The following BHMT variants were observed in gnomAD, a reference collection of about 807,000 sequenced individuals.
BHMT encodes the protein betaine--homocysteine S-methyltransferase.
BHMT carries 38 observed loss-of-function variants against 49.5 expected under a neutral mutation model. The observed-to-expected ratio is 0.77, with a 90% CI of 0.59 to 1.01. The LOEUF (loss-of-function observed/expected upper bound fraction) is 1.01, where lower values mean the gene tolerates loss of function less well. BHMT is among the 50% of genes least tolerant of loss of function. The probability of loss-of-function intolerance (pLI) is 0.00; values close to 1 mark genes in which losing one functional copy is unlikely to be tolerated. For missense variants in BHMT, 426 were observed against 495.7 expected, an observed-to-expected ratio of 0.86 and a Z score of 1.34; for synonymous variants, 166 against 176.3, an observed-to-expected ratio of 0.94 and a Z score of 0.46.
At chr5:79,121,687 C>T (rs1240156048) in intron 5 of BHMT, among the ~76,000 whole-genome samples, 1 of 151,146 alleles carries the variant, frequency 6.6e-6, no homozygotes, top group Non-Finnish European at 1.5e-5. Context: ...TGGTGGCGGG[C>T]GCCTGTAGTC....
At chr5:79,127,563 C>A (rs1214520312) in intron 6 of BHMT, among the ~76,000 whole-genome samples, 192 bp from the exon 7 acceptor site, 1 of 152,164 alleles carries the variant, frequency 6.6e-6, no homozygotes, top group Non-Finnish European at 1.5e-5. Flanking sequence ...TCATTTGGAA[C>A]CTCCTGAAGG....
chr5:79,118,882 A>G (rs1479976826), intron 2 of BHMT, among the ~76,000 whole-genome samples: 1 of 152,214 alleles, frequency 6.6e-6, no homozygotes, highest in African/African-American at 2.4e-5. Flanking sequence ...GCATAGCCCA[A>G]CCATGCAGTG....
At position 79,124,673 on chromosome 5, in the gene BHMT, G is replaced by A. The variant is rs543913993; in HGVS notation, c.626-1373G>A. On this transcript the variant is annotated intron_variant, in intron 5 of 7. Transcript: ENST00000274353. ...TATAAAGAAAGTTTTTGAAGAAAAT[G>A]AAATATCTAAAACATAGTTTGTTCT... Among the ~76,000 whole-genome samples the A allele has an allele frequency of 1.0e-3, 152 of 152,258 alleles. 1 individual carries two copies. The highest frequency in any genetic ancestry group is 3.3e-3 in the African/African-American group (139 of 41,544).
At position 79,120,386 on chromosome 5, in the gene BHMT, C is replaced by T. The variant is rs1488292716; in HGVS notation, c.322C>T (p.Arg108Ter). The T allele has an allele frequency of 5.6e-6, 9 of 1,613,440 alleles. No individual in the cohort carries two copies. The African/African-American group carries it at 6.7e-5, about 12-fold the overall frequency. Residue 108 changes from arginine (R) to a stop codon, truncating the protein, a stop_gained, in exon 4 of 8, where the codon CGA (arginine) becomes TGA (stop). Transcript: ENST00000274353. LOFTEE classifies it high-confidence loss of function. ...EVNEAACDIA[R>*]QVADEGDALV... ...CAATGAAGCTGCTTGCGACATCGCCCGACAAGTGGCTGATGAAGGAGATGC... is the reference window on the plus strand; with the variant it reads ...CAATGAAGCTGCTTGCGACATCGCCTGACAAGTGGCTGATGAAGGAGATGC...
Position 79,131,035 on chromosome 5 carries a change from C to A in BHMT, c.1140C>A (p.Ala380=), listed in dbSNP as rs201314996. Residue 380 remains alanine, a synonymous_variant, in exon 8 of 8, where the codon GCC becomes GCA. Coordinates refer to ENST00000274353, the MANE Select transcript of BHMT (RefSeq NM_001713.3). ...GCTGGGGAGTGACCAAAGGAACAGCCGAGCTGATGCAGCAGAAAGAAGCCA... is the reference window on the plus strand; with the variant it reads ...GCTGGGGAGTGACCAAAGGAACAGCAGAGCTGATGCAGCAGAAAGAAGCCA... ...PDGWGVTKGT[A]ELMQQKEATT... 5 of 1,613,792 alleles carry A rather than the reference C, an allele frequency of 3.1e-6. No individual in the cohort carries two copies. The South Asian group carries it at 4.4e-5, about 14-fold the overall frequency.
chr5:79,120,811 GA>G (rs1363681564), intron 4 of BHMT, among the ~76,000 whole-genome samples: 1 of 152,156 alleles, frequency 6.6e-6, no homozygotes, highest in Non-Finnish European at 1.5e-5. Flanking sequence ...TTCAAAGTTT[GA>G]AAACAGTAAT....
At position 79,111,938 on chromosome 5, in the gene BHMT, G is replaced by A. The variant is rs980360444; in HGVS notation, c.33+20G>A. 7.0e-6 allele frequency: 11 copies of A among 1,581,810 alleles called. No individual in the cohort carries two copies. The highest frequency in any genetic ancestry group is 9.4e-6 in the Non-Finnish European group (11 of 1,164,500). On this transcript the variant is annotated intron_variant, in intron 1 of 7. Transcript: ENST00000274353. Reference sequence around the variant, plus strand: ...AAGAAGGTGAGTCTCCAGGGGACCCGAGGGCGCTCTCCTTCCCCTCCCACC... The same window carrying A: ...AAGAAGGTGAGTCTCCAGGGGACCCAAGGGCGCTCTCCTTCCCCTCCCACC...
chr5:79,130,519 A>G (rs1335400611), intron 7 of BHMT, among the ~76,000 whole-genome samples: 2 of 151,846 alleles, frequency 1.3e-5, no homozygotes, highest in African/African-American at 2.4e-5. Context: ...ACACAGCATC[A>G]TGGATGGAGA....
intron 5 of BHMT, among the ~76,000 whole-genome samples, chr5:79,121,659 C>CA (rs1156412649): frequency 6.6e-6 from 1 of 151,296 alleles, no homozygotes; most frequent in Non-Finnish European, 1.5e-5. Context: ...CTAAAAAATA[C>CA]AAAAAATTAG....
chr5:79,114,692 T>C (rs1036758382), intron 1 of BHMT, among the ~76,000 whole-genome samples: 2 of 152,202 alleles, frequency 1.3e-5, no homozygotes, highest in Non-Finnish European at 2.9e-5. Context: ...ATAGATGTTA[T>C]TTAAGCATAA....
At chr5:79,126,787 G>A (rs2112731631) in intron 6 of BHMT, among the ~76,000 whole-genome samples, 1 of 152,184 alleles carries the variant, frequency 6.6e-6, no homozygotes, top group African/African-American at 2.4e-5. Flanking sequence ...GAAGTGAGGG[G>A]ATACTTGCAG....
chr5:79,113,098 A>G (rs1756332615), intron 1 of BHMT, among the ~76,000 whole-genome samples: 1 of 152,016 alleles, frequency 6.6e-6, no homozygotes, highest in Non-Finnish European at 1.5e-5. Flanking sequence ...CCAAATCAAA[A>G]AGACCTCTAC....
At chr5:79,123,869 G>C (rs1336111996) in intron 5 of BHMT, among the ~76,000 whole-genome samples, 1 of 152,058 alleles carries the variant, frequency 6.6e-6, no homozygotes, top group East Asian at 1.9e-4. Flanking sequence ...GTCCTTTTTG[G>C]GGGTGGAAAC....
chr5:79,121,327 T>C lies in BHMT; in HGVS notation c.587T>C (p.Val196Ala). The change falls in exon 5 of 8, where the codon GTG (valine) becomes GCG (alanine). Residue 196 changes from valine (V) to alanine (A), a missense_variant. Val to Ala is a moderately conservative substitution (Grantham distance 64). Around this residue, in one of 3 missense-constraint regions of BHMT, gnomAD observed 321 missense variants for 355.9 expected, o/e 0.90. Coordinates refer to ENST00000274353, the MANE Select transcript of BHMT (RefSeq NM_001713.3). ...GGCCCAGAAGGAGATTTGCATGGCG[T>C]GCCCCCCGGCGAGTGTGCAGTGCGC... is the stretch of plus-strand genomic sequence containing the variant. Reference protein sequence around the residue: ...CIGPEGDLHGVPPGECAVRLV... With the variant: ...CIGPEGDLHGAPPGECAVRLV... The C allele has an allele frequency of 3.1e-6, 5 of 1,614,210 alleles. No individual in the cohort carries two copies. The highest frequency in any genetic ancestry group is 4.2e-6 in the Non-Finnish European group (5 of 1,180,008).
intron 5 of BHMT, among the ~76,000 whole-genome samples, chr5:79,122,779 T>G (rs989332267): frequency 1.3e-5 from 2 of 152,004 alleles, no homozygotes; most frequent in Non-Finnish European, 2.9e-5. Context: ...TACACACACA[T>G]ACAAGTATAT....
chr5:79,127,715 G>A (rs757872848), intron 6 of BHMT, 40 bp from the exon 7 acceptor site: 1 of 1,583,054 alleles, frequency 6.3e-7, no homozygotes, highest in Non-Finnish European at 8.6e-7. Context: ...TTTATGAAAA[G>A]AATGTATAAT....
chr5:79,112,839 A>G (rs1756325670), intron 1 of BHMT, among the ~76,000 whole-genome samples: 2 of 152,158 alleles, frequency 1.3e-5, no homozygotes, highest in African/African-American at 4.8e-5. Flanking sequence ...CCGTGGAATG[A>G]GACTGGACAG....
Position 79,131,770 on chromosome 5 carries a change from G to GT in BHMT, c.*657dup, listed in dbSNP as rs1017011432. 1 of 152,184 alleles carries GT rather than the reference G, an allele frequency of 6.6e-6. No individual in the cohort carries two copies. Among genetic ancestry groups the GT allele is most frequent in the African/African-American group, 2.4e-5 (1 of 41,454 alleles). The allele number at this position is 152,184 out of a possible 1,614,324, so 9.4% of individuals were successfully genotyped here. On this transcript the variant is annotated 3_prime_UTR_variant, in exon 8 of 8. Transcript: ENST00000274353. ...ACAAGACACTTAAGGAGACCATCCT[G>GT]TTTAAGTTTATTCTTATAAGTAGGT...
chr5:79,121,115 C>T (rs1335821206), intron 4 of BHMT, 103 bp from the exon 5 acceptor site: 1 of 1,401,020 alleles, frequency 7.1e-7, no homozygotes, highest in East Asian at 2.4e-5. Flanking sequence ...CGCACCACAG[C>T]ACTCCAGCCT....
Sources: gnomAD v4.1 joint callset for allele counts (sites outside exome capture counted in the v4.1 genomes callset) on GRCh38, gnomAD v4.1.1 for gene constraint, gnomAD v4.1.1 regional missense constraint, MANE v1.5 for transcripts, NCBI Gene and HGNC (gene_info 2026-07-23, HGNC 2026-07-21) for gene names.